NMNAT1: variants seen among roughly 807,000 people sequenced by gnomAD.
NMNAT1 encodes nicotinamide/nicotinic acid mononucleotide adenylyltransferase 1.
A neutral mutation model predicts 16.7 loss-of-function variants in NMNAT1; 11 were observed. The ratio of observed to expected loss-of-function variants is 0.66; its 90% CI spans 0.41 to 1.09. The LOEUF (loss-of-function observed/expected upper bound fraction) is 1.09. Ranked by LOEUF, NMNAT1 falls within the 50% of genes least tolerant of loss-of-function variation. The probability of loss-of-function intolerance (pLI) is 0.00; values close to 1 mark genes in which losing one functional copy is unlikely to be tolerated. For synonymous variants in NMNAT1, 110 were observed against 119.8 expected (o/e 0.92, Z 0.53); for missense variants, 280 against 332.3 (o/e 0.84, Z 1.22).
intron 2 of NMNAT1, among the ~76,000 whole-genome samples, chr1:9,973,806 C>T (rs558524950): frequency 4.7e-5 from 7 of 150,332 alleles, no homozygotes; most frequent in East Asian, 2.0e-4. Context: ...GGCAGATTAC[C>T]TGAGGTCAGG....
the NMNAT1 span, among the ~76,000 whole-genome samples, chr1:9,991,107 C>T: frequency 0.036 from 5,402 of 151,730 alleles, 113 homozygotes; most frequent in Middle Eastern, 0.066. Context: ...CATTTTCAGG[C>T]CAAGTTTTAG....
intron 1 of NMNAT1, among the ~76,000 whole-genome samples, chr1:9,958,144 A>G (rs7518021): frequency 0.016 from 2,423 of 152,266 alleles, 60 homozygotes; most frequent in African/African-American, 0.054. Flanking sequence ...GGGGCAGAAA[A>G]CATGGGGCAG....
intron 3 of NMNAT1, among the ~76,000 whole-genome samples, chr1:9,976,777 A>G (rs1354030473): frequency 6.6e-6 from 1 of 151,938 alleles, no homozygotes; most frequent in Non-Finnish European, 1.5e-5. Context: ...GGTGACTGCC[A>G]CCACGCCCCG....
Position 9,984,833 on chromosome 1 carries a change from T to C in NMNAT1, c.*2132T>C, listed in dbSNP as rs989220686. ...TTTGCTTATGTGAACAGCAGGCCTT[T>C]CAGATAAGAGAAGTGGCTTTTCCTT... On this transcript the variant is annotated 3_prime_UTR_variant, in exon 5 of 5. Transcript: ENST00000377205. 1 of 152,172 alleles carries C rather than the reference T, an allele frequency of 6.6e-6. No homozygotes were observed. The highest frequency in any genetic ancestry group is 2.4e-5 in the African/African-American group (1 of 41,428). 9.4% of individuals were successfully genotyped at this position (152,172 alleles called of 1,614,324 possible). A position where few individuals can be genotyped will look rare whatever the true frequency, so the allele number is the denominator to read the frequency against.
chr1:9,975,390 A>G (rs1016551055), intron 2 of NMNAT1, among the ~76,000 whole-genome samples: 3 of 152,048 alleles, frequency 2.0e-5, no homozygotes, highest in African/African-American at 7.2e-5. Context: ...AATCCCAGCT[A>G]CTCAGGAGTC....
At chr1:9,967,692 G>A (rs1248104901) in intron 1 of NMNAT1, among the ~76,000 whole-genome samples, 1 of 152,112 alleles carries the variant, frequency 6.6e-6, no homozygotes, top group Non-Finnish European at 1.5e-5. Flanking sequence ...TGCTTGCTGA[G>A]CACAGTGGCT....
Position 9,948,229 on chromosome 1 carries a change from TTTATACTG to T in NMNAT1, c.-57+4715_-57+4722del, listed in dbSNP as rs1641023235. Among the ~76,000 whole-genome samples the T allele has an allele frequency of 2.0e-5, 3 of 152,210 alleles. No homozygotes were observed. The South Asian group carries it at 6.2e-4, about 32-fold the overall frequency. ...GCCTGTCAGAGATACTTTGGGAGAT[TTTATACTG>T]AATACGTTCTTCTTGCCCATTAGTA... On this transcript the variant is annotated intron_variant, in intron 1 of 4. Coordinates refer to ENST00000377205, the MANE Select transcript of NMNAT1 (RefSeq NM_022787.4).
chr1:9,967,996 C>G (rs1282018959), intron 1 of NMNAT1, among the ~76,000 whole-genome samples: 1 of 150,668 alleles, frequency 6.6e-6, no homozygotes, highest in African/African-American at 2.4e-5. Flanking sequence ...AAACAAAAGA[C>G]AATTCTAGTA....
chr1:9,947,001 C>T (rs2101632979), intron 1 of NMNAT1, among the ~76,000 whole-genome samples: 1 of 152,260 alleles, frequency 6.6e-6, no homozygotes, highest in East Asian at 1.9e-4. Context: ...GACAAATACA[C>T]CATCTATATG....
Position 9,982,556 on chromosome 1 carries a change from G to A in NMNAT1, c.695G>A (p.Arg232Lys), listed in dbSNP as rs267598792. ...SSTKIRRALR[R>K]GQSIRYLVPD... is the part of the protein sequence containing the mutation. Reference sequence around the variant, plus strand: ...ACAAAAATCCGGAGAGCCCTCAGAAGGGGCCAGAGCATTCGCTACTTGGTA... The same window carrying A: ...ACAAAAATCCGGAGAGCCCTCAGAAAGGGCCAGAGCATTCGCTACTTGGTA... The change falls in exon 5 of 5, where the codon AGG becomes AAG. Residue 232 changes from arginine to lysine, a missense_variant. Physicochemically the swap from Arg to Lys is conservative, Grantham distance 26 (BLOSUM62 2). Transcript: ENST00000377205. The A allele has an allele frequency of 1.2e-6, 2 of 1,614,166 alleles. No homozygotes were observed. Among genetic ancestry groups the A allele is most frequent in the East Asian group, 4.5e-5 (2 of 44,890 alleles).
intron 1 of NMNAT1, among the ~76,000 whole-genome samples, chr1:9,967,645 C>A (rs1045134120): frequency 6.6e-6 from 1 of 151,814 alleles, no homozygotes; most frequent in South Asian, 2.1e-4. Flanking sequence ...TAAATTAAAC[C>A]ATTTGAAATT....
rs1198282904 is a variant in NMNAT1 at position 9,982,562 on chromosome 1, A to G, written c.701A>G (p.Gln234Arg). Residue 234 changes from glutamine to arginine, a missense_variant, in exon 5 of 5, where the codon CAG becomes CGG. Transcript: ENST00000377205. The part of the protein sequence containing the change: ...TKIRRALRRG[Q>R]SIRYLVPDLV... Reference sequence around the variant, plus strand: ...ATCCGGAGAGCCCTCAGAAGGGGCCAGAGCATTCGCTACTTGGTACCAGAT... The same window carrying G: ...ATCCGGAGAGCCCTCAGAAGGGGCCGGAGCATTCGCTACTTGGTACCAGAT... 6.2e-7 allele frequency: 1 copy of G among 1,614,098 alleles called. No individual in the cohort carries two copies. Among genetic ancestry groups the G allele is most frequent in the Non-Finnish European group, 8.5e-7 (1 of 1,180,060 alleles).
At chr1:9,943,303 T>G (rs1176225532), upstream of NMNAT1, 1 of 154,142 alleles carries the variant, frequency 6.5e-6, no homozygotes, top group African/African-American at 2.4e-5. Context: ...CTGTGCCGCC[T>G]GACCGCCCGC....
chr1:9,960,243 C>T (rs1641370817), intron 1 of NMNAT1, among the ~76,000 whole-genome samples: 1 of 151,884 alleles, frequency 6.6e-6, no homozygotes, highest in Non-Finnish European at 1.5e-5. Flanking sequence ...AATGATTGTG[C>T]CACTGTACTG....
At chr1:9,957,408 C>T (rs1005024962) in intron 1 of NMNAT1, among the ~76,000 whole-genome samples, 2 of 151,666 alleles carry the variant, frequency 1.3e-5, no homozygotes, top group African/African-American at 2.4e-5. Context: ...GTAACCTCCA[C>T]CTCCCGGGTT....
intron 2 of NMNAT1, among the ~76,000 whole-genome samples, chr1:9,973,455 C>T (rs1641733927): frequency 6.6e-6 from 1 of 152,052 alleles, no homozygotes. Flanking sequence ...CTCCTGGAAT[C>T]CCAGCACTTT....
intron 3 of NMNAT1, among the ~76,000 whole-genome samples, chr1:9,978,313 G>A (rs1049568211): frequency 1.7e-4 from 26 of 152,062 alleles, no homozygotes; most frequent in African/African-American, 6.0e-4. Context: ...CCGAGATTGC[G>A]CCACTGCACT....
chr1:9,976,013 G>A (rs1401825674), intron 3 of NMNAT1, among the ~76,000 whole-genome samples: 5 of 152,130 alleles, frequency 3.3e-5, no homozygotes, highest in African/African-American at 1.2e-4. Flanking sequence ...GCGGCCAGGC[G>A]CGGTGGCTCA....
chr1:9,951,395 A>G (rs1641106270), intron 1 of NMNAT1: 1 of 152,230 alleles, frequency 6.6e-6, no homozygotes, highest in South Asian at 2.1e-4. Context: ...TGAAGGTGCC[A>G]ATTTAGCAAG....
Sources: allele counts gnomAD v4.1 joint callset (sites outside exome capture counted in the v4.1 genomes callset), GRCh38; gene constraint gnomAD v4.1.1; transcripts MANE v1.5; gene names NCBI Gene and HGNC (gene_info 2026-07-23, HGNC 2026-07-21).